Variants in ZMIZ1 observed in about 807,000 individuals in gnomAD.
ZMIZ1 encodes the protein zinc finger MIZ-type containing 1.
A neutral mutation model predicts 113.9 loss-of-function variants in ZMIZ1; 17 were observed. The ratio of observed to expected loss-of-function variants is 0.15; its 90% CI spans 0.10 to 0.22. The LOEUF is 0.22. ZMIZ1 is among the 10% of genes least tolerant of loss of function. ZMIZ1 has a pLI of 1.00. For missense variants in ZMIZ1, 1,059 were observed against 1,477.8 expected, an observed-to-expected ratio of 0.72 and a Z score of 4.65; for synonymous variants, 607 against 603.1, an observed-to-expected ratio of 1.01 and a Z score of -0.09.
At chr10:79,303,833 C>T (rs572768353) in intron 18 of ZMIZ1, among the ~76,000 whole-genome samples, 182 bp from the exon 19 acceptor site, 9 of 152,354 alleles carry the variant, frequency 5.9e-5, no homozygotes, top group Admixed American at 3.9e-4. Context: ...GACAGCAGCC[C>T]GGGCACCCGG....
rs1425323868 is a variant in ZMIZ1 at position 79,108,923 on chromosome 10, ACCCACGCCTGAGTGGGCACACCCAGG to A, written c.-336-9985_-336-9960del. ...TGCATGTGCACATGCATGCACCCAG[ACCCACGCCTGAGTGGGCACACCCAGG>A]CCCACGTGCTCTGTGTGCACCTGAG... On this transcript the variant is annotated intron_variant, in intron 1 of 24. Coordinates refer to ENST00000334512, the MANE Select transcript of ZMIZ1 (RefSeq NM_020338.4). Among the ~76,000 whole-genome samples the A allele has an allele frequency of 4.0e-5, 6 of 151,764 alleles. No homozygotes were observed. In the East Asian group the frequency reaches 1.2e-3, roughly 30 times the overall value.
chr10:79,224,124 G>A (rs1849106669), intron 7 of ZMIZ1, among the ~76,000 whole-genome samples: 1 of 152,204 alleles, frequency 6.6e-6, no homozygotes, highest in Non-Finnish European at 1.5e-5. Context: ...TTTCCAGAAG[G>A]ATAACAGAGT....
intron 3 of ZMIZ1, among the ~76,000 whole-genome samples, chr10:79,140,312 G>T (rs1845202201): frequency 6.6e-6 from 1 of 152,190 alleles, no homozygotes; most frequent in Non-Finnish European, 1.5e-5. Flanking sequence ...CTCTGGGCAA[G>T]AATTATTATC....
At chr10:79,223,206 G>A (rs762036315) in intron 7 of ZMIZ1, among the ~76,000 whole-genome samples, 8 of 152,260 alleles carry the variant, frequency 5.3e-5, no homozygotes, top group South Asian at 4.1e-4. Flanking sequence ...AAAGCTGTGC[G>A]CAGCTCTGCG....
At chr10:79,135,905 C>T (rs563063882) in intron 2 of ZMIZ1, among the ~76,000 whole-genome samples, 164 of 152,332 alleles carry the variant, frequency 1.1e-3, no homozygotes, top group Non-Finnish European at 1.5e-3. Context: ...CACCCGCCGC[C>T]GCTGTGTCTG....
At chr10:79,076,124 G>T (rs985444798) in intron 1 of ZMIZ1, among the ~76,000 whole-genome samples, 1 of 152,184 alleles carries the variant, frequency 6.6e-6, no homozygotes, top group Admixed American at 6.5e-5. Flanking sequence ...GCGTTACCTG[G>T]TCTGGCCTTT....
At chr10:79,195,389 G>A (rs992343572) in intron 4 of ZMIZ1, among the ~76,000 whole-genome samples, 1 of 152,214 alleles carries the variant, frequency 6.6e-6, no homozygotes, top group African/African-American at 2.4e-5. Context: ...CGGGATGGGG[G>A]TAGCCTGCTT....
chr10:79,167,004 C>T (rs1351457081), intron 4 of ZMIZ1, among the ~76,000 whole-genome samples: 2 of 152,258 alleles, frequency 1.3e-5, no homozygotes, highest in East Asian at 1.9e-4. Flanking sequence ...TGCGGCTCCA[C>T]CGTGCTGCCC....
chr10:79,076,564 A>T (rs1260081703), intron 1 of ZMIZ1, among the ~76,000 whole-genome samples: 2 of 152,216 alleles, frequency 1.3e-5, no homozygotes, highest in Non-Finnish European at 2.9e-5. Flanking sequence ...GGCCGGGCAC[A>T]GTGGCTCATG....
chr10:79,175,192 C>G (rs1370789117), intron 4 of ZMIZ1, among the ~76,000 whole-genome samples: 2 of 152,196 alleles, frequency 1.3e-5, no homozygotes. Flanking sequence ...AAGCCTTACG[C>G]TAATTCATGA....
intron 21 of ZMIZ1, 151 bp from the exon 22 acceptor site, chr10:79,305,949 C>T: frequency 7.8e-7 from 1 of 1,278,902 alleles, no homozygotes; most frequent in Middle Eastern, 2.7e-4. Flanking sequence ...ATAGAGAAAT[C>T]CCTGCCAGGC....
chr10:79,234,161 AGAG>A (rs1288304739), intron 7 of ZMIZ1, among the ~76,000 whole-genome samples: 10 of 151,936 alleles, frequency 6.6e-5, no homozygotes, highest in Admixed American at 5.9e-4. Context: ...CTCAGCAGGT[AGAG>A]GAGGGACTTG....
intron 8 of ZMIZ1, among the ~76,000 whole-genome samples, chr10:79,285,225 T>C (rs1393136435): frequency 1.3e-5 from 2 of 152,238 alleles, no homozygotes. Context: ...GGGCATCTGT[T>C]GGGCCCACTT....
intron 4 of ZMIZ1, among the ~76,000 whole-genome samples, chr10:79,192,829 T>A (rs60953253): frequency 0.051 from 7,839 of 152,214 alleles, 691 homozygotes; most frequent in African/African-American, 0.18. Flanking sequence ...CCCCACCCTG[T>A]GCAATGACTC....
intron 1 of ZMIZ1, among the ~76,000 whole-genome samples, chr10:79,082,696 G>A (rs1348173476): frequency 2.0e-5 from 3 of 152,238 alleles, no homozygotes; most frequent in African/African-American, 7.2e-5. Flanking sequence ...GGCCTTCCCA[G>A]GCTTTGTGTG....
intron 1 of ZMIZ1, among the ~76,000 whole-genome samples, chr10:79,075,012 G>T (rs1247369500): frequency 6.6e-6 from 1 of 152,234 alleles, no homozygotes; most frequent in Non-Finnish European, 1.5e-5. Flanking sequence ...CCCTAATCCT[G>T]TTAGTCTGGC....
At chr10:79,104,374 G>C (rs1589275289) in intron 1 of ZMIZ1, among the ~76,000 whole-genome samples, 2 of 152,194 alleles carry the variant, frequency 1.3e-5, no homozygotes, top group East Asian at 3.8e-4. Flanking sequence ...TGGAGGTGAG[G>C]TGGGAACACC....
At chr10:79,269,497 T>G (rs1403938658) in intron 7 of ZMIZ1, among the ~76,000 whole-genome samples, 1 of 115,196 alleles carries the variant, frequency 8.7e-6, no homozygotes, top group Non-Finnish European at 2.0e-5. Flanking sequence ...ACACTTTCTC[T>G]GTTCTCCAGC....
chr10:79,106,815 C>T (rs973852129), intron 1 of ZMIZ1, among the ~76,000 whole-genome samples: 5 of 152,200 alleles, frequency 3.3e-5, no homozygotes, highest in Non-Finnish European at 5.9e-5. Flanking sequence ...CCTGGCTTGG[C>T]GGCAGTCCAT....
Sources: gnomAD v4.1 joint callset for allele counts (sites outside exome capture counted in the v4.1 genomes callset) on GRCh38, gnomAD v4.1.1 for gene constraint, MANE v1.5 for transcripts, NCBI Gene and HGNC (gene_info 2026-07-23, HGNC 2026-07-21) for gene names.